Variants in GLI2 observed in about 807,000 individuals in gnomAD.
The protein encoded by GLI2 is GLI family zinc finger 2.
GLI2 carries 22 observed loss-of-function variants against 78.9 expected under a neutral mutation model. The observed-to-expected ratio is 0.28, with a 90% CI of 0.20 to 0.40. The LOEUF (loss-of-function observed/expected upper bound fraction) is 0.40, where lower values mean the gene tolerates loss of function less well. Ranked by LOEUF, GLI2 falls within the 10% of genes least tolerant of loss-of-function variation. The pLI is 1.00. For synonymous variants in GLI2, 974 were observed against 963.7 expected (o/e 1.01, Z -0.20); for missense variants, 2,097 against 2,213.2 (o/e 0.95, Z 1.05).
At chr2:120,785,397 T>C (rs1030562071) in intron 1 of GLI2, among the ~76,000 whole-genome samples, 1 of 152,154 alleles carries the variant, frequency 6.6e-6, no homozygotes, top group African/African-American at 2.4e-5. Context: ...TGTTGGTTGC[T>C]GGCAGACTTG....
At chr2:120,894,102 C>T (rs1677821519) in intron 2 of GLI2, among the ~76,000 whole-genome samples, 1 of 152,182 alleles carries the variant, frequency 6.6e-6, no homozygotes, top group African/African-American at 2.4e-5. Context: ...CCTCCTGGGG[C>T]TTTGTGGCAG....
At chr2:120,756,298 A>G (rs1470340092) in intron 1 of GLI2, among the ~76,000 whole-genome samples, 1 of 151,952 alleles carries the variant, frequency 6.6e-6, no homozygotes, top group South Asian at 2.1e-4. Context: ...CTTTTTTCAG[A>G]TTTATTCTAA....
At chr2:120,926,762 G>A (rs1169031578) in intron 2 of GLI2, among the ~76,000 whole-genome samples, 1 of 152,216 alleles carries the variant, frequency 6.6e-6, no homozygotes, top group Non-Finnish European at 1.5e-5. Context: ...GCACCCGACA[G>A]CGTTTAGGGG....
At chr2:120,844,542 C>T (rs1687026044) in intron 2 of GLI2, among the ~76,000 whole-genome samples, 1 of 152,194 alleles carries the variant, frequency 6.6e-6, no homozygotes, top group Non-Finnish European at 1.5e-5. Context: ...GCCTTTGTTG[C>T]TCTGAACCTC....
At chr2:120,793,948 G>T (rs1486658792) in intron 1 of GLI2, among the ~76,000 whole-genome samples, 1 of 152,190 alleles carries the variant, frequency 6.6e-6, no homozygotes, top group Non-Finnish European at 1.5e-5. Flanking sequence ...ATAAGAACTG[G>T]TGATGACATC....
At position 120,990,993 on chromosome 2, in the gene GLI2, T is replaced by C. The variant is rs1683274955; in HGVS notation, c.*318T>C. 3.1e-6 allele frequency: 1 copy of C among 322,984 alleles called. No individual in the cohort carries two copies. The highest frequency in any genetic ancestry group is 5.7e-6 in the Non-Finnish European group (1 of 176,008). The allele number at this position is 322,984 out of a possible 1,614,324, so 20.0% of individuals were successfully genotyped here. The stretch of plus-strand genomic sequence containing the variant: ...GGCTTCTTCACGGCTGACATTCGGC[T>C]AACGAGGGATTACTTTGGCCAAAAC... On this transcript the variant is annotated 3_prime_UTR_variant, in exon 14 of 14. Coordinates refer to ENST00000361492, the MANE Select transcript of GLI2 (RefSeq NM_001374353.1).
intron 2 of GLI2, among the ~76,000 whole-genome samples, chr2:120,855,630 G>C (rs186962131): frequency 6.4e-4 from 97 of 152,358 alleles, no homozygotes; most frequent in Admixed American, 2.0e-3. Flanking sequence ...GAATTGAGAT[G>C]ATGAAACTAC....
intron 1 of GLI2, among the ~76,000 whole-genome samples, chr2:120,743,004 A>G (rs1209555536): frequency 6.6e-6 from 1 of 152,226 alleles, no homozygotes; most frequent in African/African-American, 2.4e-5. Flanking sequence ...GCAACCCTTG[A>G]TGACCAGAAA....
Position 120,882,619 on chromosome 2 carries a change from C to T in GLI2, c.149-44742C>T, listed in dbSNP as rs75873140. Reference sequence around the variant, plus strand: ...GAGCGCGGGTGTCTGGGCCCACCCTCCTCTGTCGGATCCCTGGGTCTTCTG... The same window carrying T: ...GAGCGCGGGTGTCTGGGCCCACCCTTCTCTGTCGGATCCCTGGGTCTTCTG... On this transcript the variant is annotated intron_variant, in intron 2 of 13. Coordinates refer to ENST00000361492, the MANE Select transcript of GLI2 (RefSeq NM_001374353.1). 4.2e-3 allele frequency among the ~76,000 whole-genome samples: 647 copies of T among 152,332 alleles called. 4 individuals carry two copies. Among genetic ancestry groups the T allele is most frequent in the Non-Finnish European group, 6.4e-3 (437 of 68,030 alleles).
rs1682898798 is a variant in GLI2 at position 120,984,861 on chromosome 2, C to T, written c.1905+118C>T. The T allele has an allele frequency of 5.9e-6, 6 of 1,024,230 alleles. No individual in the cohort carries two copies. The South Asian group carries it at 6.8e-5, about 12-fold the overall frequency. 63.4% of individuals were successfully genotyped at this position (1,024,230 alleles called of 1,614,324 possible). On this transcript the variant is annotated intron_variant, in intron 12 of 13. Coordinates refer to ENST00000361492, the MANE Select transcript of GLI2 (RefSeq NM_001374353.1). ...CCCCCCTCTAGGGGCACAGCGATAT[C>T]CCTCCTCTCTCCAACTTGGCTTTCC... is the stretch of plus-strand genomic sequence containing the variant.
At chr2:120,854,933 C>T (rs1345886420) in intron 2 of GLI2, among the ~76,000 whole-genome samples, 2 of 152,360 alleles carry the variant, frequency 1.3e-5, no homozygotes, top group African/African-American at 2.4e-5. Flanking sequence ...GGGCTGGGCA[C>T]TCTGGCCTGT....
At position 120,989,504 on chromosome 2, in the gene GLI2, G is replaced by A. The variant is rs114823319; in HGVS notation, c.3539G>A (p.Gly1180Asp). The A allele has an allele frequency of 8.6e-4, 1,391 of 1,612,168 alleles. 19 individuals are homozygous for A. In the African/African-American group the frequency reaches 0.017, roughly 20 times the overall value. The change falls in exon 14 of 14, where the codon GGC becomes GAC. Residue 1180 changes from glycine (G) to aspartate (D), a missense_variant. Physicochemically the swap from Gly to Asp is moderately conservative, Grantham distance 94. Transcript: ENST00000361492. ...CAAGGCCTACAGGCTAGCCCTGGGG[G>A]CCTGGACAGCACGCAGCCACACCTG... ...SPQGLQASPG[G>D]LDSTQPHLQP...
chr2:120,854,061 T>A (rs1165986784), intron 2 of GLI2, among the ~76,000 whole-genome samples: 1 of 151,840 alleles, frequency 6.6e-6, no homozygotes, highest in African/African-American at 2.4e-5. Flanking sequence ...TAGTGGGAAA[T>A]AAGACAGATT....
Position 120,970,585 on chromosome 2 carries a change from C to T in GLI2, c.1038C>T (p.Asn346=). 2 of 1,614,140 alleles carry T rather than the reference C, an allele frequency of 1.2e-6. No individual in the cohort carries two copies. The highest frequency in any genetic ancestry group is 1.7e-6 in the Non-Finnish European group (2 of 1,179,964). ...ATPTQLSSSS[N]CLSDTNQNKQ... is the part of the protein sequence containing the mutation. ...CCACCCAGCTCAGCAGCAGCAGCAA[C>T]TGTCTGAGTGACACCAACCAGGTAG... is the stretch of plus-strand genomic sequence containing the variant. Residue 346 remains asparagine, a synonymous_variant, in exon 7 of 14, where the codon AAC becomes AAT. Coordinates refer to ENST00000361492, the MANE Select transcript of GLI2 (RefSeq NM_001374353.1).
intron 2 of GLI2, among the ~76,000 whole-genome samples, chr2:120,893,106 C>T (rs1677761082): frequency 1.3e-5 from 2 of 152,236 alleles, no homozygotes; most frequent in Admixed American, 6.5e-5. Flanking sequence ...AGGCATCTTG[C>T]CACAGCCTTC....
chr2:120,917,142 G>C (rs1679142387), intron 2 of GLI2, among the ~76,000 whole-genome samples: 1 of 152,130 alleles, frequency 6.6e-6, no homozygotes, highest in African/African-American at 2.4e-5. Flanking sequence ...GGCCTTCTGG[G>C]GTTCATCACC....
chr2:120,782,184 G>T (rs142369635), intron 1 of GLI2, among the ~76,000 whole-genome samples: 1 of 152,300 alleles, frequency 6.6e-6, no homozygotes, highest in African/African-American at 2.4e-5. Flanking sequence ...TGTTGTCAGG[G>T]TTTAATGGGT....
intron 2 of GLI2, among the ~76,000 whole-genome samples, chr2:120,817,913 G>A (rs928963951): frequency 3.9e-5 from 6 of 152,238 alleles, no homozygotes; most frequent in African/African-American, 1.4e-4. Context: ...ATCCGCACGG[G>A]ACCTTCTGAG....
chr2:120,794,129 G>T (rs774382665), intron 1 of GLI2, among the ~76,000 whole-genome samples: 1 of 152,220 alleles, frequency 6.6e-6, no homozygotes, highest in Non-Finnish European at 1.5e-5. Context: ...TAATACGGGG[G>T]TGTTGAGTAG....
Sources: gnomAD v4.1 joint callset for allele counts (sites outside exome capture counted in the v4.1 genomes callset) on GRCh38, gnomAD v4.1.1 for gene constraint, MANE v1.5 for transcripts, NCBI Gene and HGNC (gene_info 2026-07-23, HGNC 2026-07-21) for gene names.